Variants in TBC1D1 observed in about 807,000 individuals in gnomAD.
TBC1D1 encodes TBC1 domain family member 1.
A neutral mutation model predicts 125.6 loss-of-function variants in TBC1D1; 89 were observed. That is an observed-to-expected ratio of 0.71 (90% CI 0.60 to 0.85). The LOEUF (loss-of-function observed/expected upper bound fraction) is 0.85. Ranked by LOEUF, TBC1D1 falls within the 40% of genes least tolerant of loss-of-function variation. The probability of loss-of-function intolerance (pLI) is 0.00; values close to 1 mark genes in which losing one functional copy is unlikely to be tolerated. For missense variants in TBC1D1, 1,377 were observed against 1,469.2 expected (o/e 0.94, Z 1.03); for synonymous variants, 565 against 564.1 (o/e 1.00, Z -0.02).
At chr4:37,984,328 A>G (rs888612201) in intron 2 of TBC1D1, among the ~76,000 whole-genome samples, 10 of 152,196 alleles carry the variant, frequency 6.6e-5, no homozygotes, top group Non-Finnish European at 1.2e-4. Context: ...TGTTTTTGTG[A>G]GAAGCACTCA....
chr4:38,088,966 C>T (rs969290979), intron 12 of TBC1D1, among the ~76,000 whole-genome samples: 8 of 152,116 alleles, frequency 5.3e-5, no homozygotes, highest in African/African-American at 1.9e-4. Context: ...GAACAGTACA[C>T]AGTAACATCC....
At chr4:37,964,303 G>T (rs750113615) in intron 2 of TBC1D1, among the ~76,000 whole-genome samples, 8 of 152,220 alleles carry the variant, frequency 5.3e-5, no homozygotes, top group Admixed American at 6.5e-5. Flanking sequence ...CTAGGCTTCA[G>T]TGCATGCACC....
chr4:38,023,855 G>T (rs1307715266), intron 6 of TBC1D1, among the ~76,000 whole-genome samples: 2 of 152,210 alleles, frequency 1.3e-5, no homozygotes, highest in African/African-American at 4.8e-5. Context: ...GCTAGGGTAT[G>T]TGGTAATTTT....
rs1223698264 is a variant in TBC1D1 at position 38,014,658 on chromosome 4, G to A, written c.567G>A (p.Pro189=). The change falls in exon 3 of 20, where the codon CCG becomes CCA. Residue 189 remains proline, a synonymous_variant. Coordinates refer to ENST00000261439, the MANE Select transcript of TBC1D1 (RefSeq NM_015173.4). This position sits in a 1 kb window ranked among gnomAD's most constrained non-coding sequence, Gnocchi z 5.1. ...TGACGGTGGCGCACAAGAAGGCTCC[G>A]CCGGCCCTGATCGACGAGTGCATCG... is the stretch of plus-strand genomic sequence containing the variant. 6.2e-7 allele frequency: 1 copy of A among 1,613,220 alleles called. No homozygotes were observed. The highest frequency in any genetic ancestry group is 1.1e-5 in the South Asian group (1 of 91,078).
At chr4:37,976,032 G>A (rs759369021) in intron 2 of TBC1D1, among the ~76,000 whole-genome samples, 14 of 152,048 alleles carry the variant, frequency 9.2e-5, no homozygotes, top group Non-Finnish European at 1.8e-4. Flanking sequence ...TTATGTCTTT[G>A]GTTTTTCACA....
chr4:37,897,247 A>G (rs1161684079), intron 1 of TBC1D1, among the ~76,000 whole-genome samples: 1 of 152,174 alleles, frequency 6.6e-6, no homozygotes, highest in East Asian at 1.9e-4. Flanking sequence ...ATTCCTTTTA[A>G]TGGCAAAAAT....
intron 8 of TBC1D1, among the ~76,000 whole-genome samples, 195 bp from the exon 9 acceptor site, chr4:38,044,167 G>A (rs1040940077): frequency 2.0e-5 from 3 of 152,182 alleles, no homozygotes; most frequent in African/African-American, 7.2e-5. Context: ...TTTACTTGGG[G>A]TAATCAAAGC....
intron 2 of TBC1D1, among the ~76,000 whole-genome samples, chr4:37,976,677 G>T (rs1432357737): frequency 6.6e-6 from 1 of 152,018 alleles, no homozygotes; most frequent in African/African-American, 2.4e-5. Context: ...TGGAACTCAG[G>T]AGTGGCTGGG....
At chr4:37,910,659 C>T (rs369206847) in intron 2 of TBC1D1, among the ~76,000 whole-genome samples, 4 of 151,274 alleles carry the variant, frequency 2.6e-5, no homozygotes, top group Non-Finnish European at 5.9e-5. Flanking sequence ...GAAGGGTAGT[C>T]GGGGCTGGGG....
In TBC1D1 at chr4:38,111,076, C is replaced by T. The variant is rs1006920127; in HGVS notation, c.2558-4634C>T. 5.9e-5 allele frequency among the ~76,000 whole-genome samples: 9 copies of T among 152,224 alleles called. No homozygotes were observed. The South Asian group carries it at 1.7e-3, about 28-fold the overall frequency. On this transcript the variant is annotated intron_variant, in intron 15 of 19. Transcript: ENST00000261439. ...CGGCTCCGGCCAACTGCTGCAGGTGCGCATCATATGGGTGGTCTTTGTGGA... is the reference window on the plus strand; with the variant it reads ...CGGCTCCGGCCAACTGCTGCAGGTGTGCATCATATGGGTGGTCTTTGTGGA...
chr4:38,006,950 T>C, intron 2 of TBC1D1: 1 of 436,400 alleles, frequency 2.3e-6, no homozygotes, highest in Non-Finnish European at 4.6e-6. Flanking sequence ...GTCATCTGGA[T>C]ACCCAGTCAT....
chr4:38,043,980 A>G (rs184874384), intron 8 of TBC1D1, among the ~76,000 whole-genome samples: 6 of 152,348 alleles, frequency 3.9e-5, no homozygotes, highest in African/African-American at 7.2e-5. Context: ...GTCTCACAAC[A>G]CAGTGTTATG....
At chr4:38,080,482 T>C (rs896643500) in intron 12 of TBC1D1, among the ~76,000 whole-genome samples, 7 of 152,188 alleles carry the variant, frequency 4.6e-5, no homozygotes, top group African/African-American at 1.7e-4. Flanking sequence ...CTGACCCACC[T>C]CTTAGCATCT....
intron 2 of TBC1D1, among the ~76,000 whole-genome samples, chr4:37,958,561 A>G (rs924474192): frequency 1.3e-5 from 2 of 152,066 alleles, no homozygotes; most frequent in Non-Finnish European, 2.9e-5. Flanking sequence ...TCCTAGCTCA[A>G]ATGCCACCTC....
chr4:37,993,662 A>C (rs935549862), intron 2 of TBC1D1, among the ~76,000 whole-genome samples: 2 of 151,906 alleles, frequency 1.3e-5, no homozygotes, highest in African/African-American at 4.8e-5. Flanking sequence ...ACTCACTGCA[A>C]CCTCCGCCTC....
At chr4:38,134,523 C>T (rs996773811) in intron 19 of TBC1D1, among the ~76,000 whole-genome samples, 3 of 152,180 alleles carry the variant, frequency 2.0e-5, no homozygotes, top group Admixed American at 2.0e-4. Flanking sequence ...TGTAGGGGTA[C>T]ACAGTGTAGG....
chr4:37,908,884 T>C (rs1450354711), intron 2 of TBC1D1, among the ~76,000 whole-genome samples: 1 of 152,162 alleles, frequency 6.6e-6, no homozygotes, highest in East Asian at 1.9e-4. Flanking sequence ...CATGTAGAAA[T>C]CGACTTTATT....
chr4:37,975,238 CAGAG>C (rs1308087367), intron 2 of TBC1D1, among the ~76,000 whole-genome samples: 3 of 151,510 alleles, frequency 2.0e-5, no homozygotes, highest in African/African-American at 4.8e-5. Context: ...GCAGCCGAGG[CAGAG>C]AGAGAGAGAA....
intron 2 of TBC1D1, among the ~76,000 whole-genome samples, chr4:37,949,608 T>G (rs907752663): frequency 6.6e-6 from 1 of 152,202 alleles, no homozygotes; most frequent in African/African-American, 2.4e-5. Context: ...ATCTAATCAC[T>G]CCAGGGCAAC....
Sources: gnomAD v4.1 joint callset for allele counts (sites outside exome capture counted in the v4.1 genomes callset) on GRCh38, gnomAD v4.1.1 for gene constraint, Gnocchi (gnomAD v3.1) non-coding constraint, MANE v1.5 for transcripts, NCBI Gene and HGNC (gene_info 2026-07-23, HGNC 2026-07-21) for gene names.